ADK: variants seen among roughly 807,000 people sequenced by gnomAD.
ADK encodes the protein N6,N6-dimethyladenosine kinase.
A neutral mutation model predicts 44.7 loss-of-function variants in ADK; 24 were observed. The ratio of observed to expected loss-of-function variants is 0.54; its 90% CI spans 0.39 to 0.76. The LOEUF (loss-of-function observed/expected upper bound fraction) is 0.76. ADK is among the 30% of genes least tolerant of loss of function. ADK has a pLI of 0.00. For synonymous variants in ADK, 128 were observed against 142.6 expected (o/e 0.90, Z 0.73); for missense variants, 321 against 425.1 (o/e 0.76, Z 2.15).
intron 3 of ADK, among the ~76,000 whole-genome samples, chr10:74,230,971 C>T (rs1457522684): frequency 4.6e-5 from 7 of 152,058 alleles, no homozygotes; most frequent in Non-Finnish European, 1.0e-4. Context: ...CGTGAGCCAC[C>T]GCGCCTGGCC....
intron 6 of ADK, among the ~76,000 whole-genome samples, chr10:74,445,043 T>C (rs963602534): frequency 6.6e-6 from 1 of 152,026 alleles, no homozygotes; most frequent in African/African-American, 2.4e-5. Context: ...GAAAAACAAA[T>C]ATAAACAATG....
chr10:74,309,667 G>A (rs1376507348), intron 3 of ADK, among the ~76,000 whole-genome samples: 1 of 152,112 alleles, frequency 6.6e-6, no homozygotes, highest in African/African-American at 2.4e-5. Flanking sequence ...GGAGAGGGGT[G>A]TATGAAGTGT....
At chr10:74,195,296 T>G (rs1175609927) in intron 1 of ADK, among the ~76,000 whole-genome samples, 1 of 152,216 alleles carries the variant, frequency 6.6e-6, no homozygotes, top group African/African-American at 2.4e-5. Context: ...AAGAAGGTCA[T>G]AGTATTTACT....
intron 6 of ADK, among the ~76,000 whole-genome samples, chr10:74,431,994 C>T (rs903781860): frequency 3.3e-5 from 5 of 152,018 alleles, no homozygotes; most frequent in South Asian, 4.2e-4. Context: ...GAATTTAAGA[C>T]GAGCCTGGTC....
At chr10:74,407,500 T>A (rs373059504) in intron 6 of ADK, among the ~76,000 whole-genome samples, 10 of 152,226 alleles carry the variant, frequency 6.6e-5, no homozygotes, top group African/African-American at 1.4e-4. Context: ...CACTTTTTTT[T>A]AATCTGATTA....
intron 7 of ADK, among the ~76,000 whole-genome samples, chr10:74,570,045 G>C (rs1360296739): frequency 2.0e-5 from 3 of 152,004 alleles, no homozygotes; most frequent in Non-Finnish European, 4.4e-5. Flanking sequence ...TTTCCCCATT[G>C]CTTGTTTTTG....
chr10:74,657,672 A>T (rs1158646829), intron 9 of ADK, among the ~76,000 whole-genome samples: 2 of 152,216 alleles, frequency 1.3e-5, no homozygotes, highest in Non-Finnish European at 2.9e-5. Context: ...AGGAATAATC[A>T]CTATATTCAG....
intron 5 of ADK, among the ~76,000 whole-genome samples, chr10:74,395,942 T>C (rs1044946501): frequency 1.3e-5 from 2 of 151,946 alleles, no homozygotes; most frequent in Admixed American, 1.3e-4. Context: ...ACCTAGGAGG[T>C]GGAGGTTGCA....
intron 6 of ADK, among the ~76,000 whole-genome samples, chr10:74,414,648 T>C (rs1391551952): frequency 6.6e-6 from 1 of 152,090 alleles, no homozygotes; most frequent in Non-Finnish European, 1.5e-5. Flanking sequence ...GGCAGGAGAA[T>C]GGCTTGAACC....
intron 10 of ADK, among the ~76,000 whole-genome samples, chr10:74,686,821 G>T (rs1362304500): frequency 6.6e-6 from 1 of 151,956 alleles, no homozygotes; most frequent in Admixed American, 6.6e-5. Flanking sequence ...GCGACTACAG[G>T]TGTGCGCCAC....
intron 10 of ADK, among the ~76,000 whole-genome samples, chr10:74,695,635 T>G (rs915102492): frequency 2.6e-5 from 4 of 151,316 alleles, no homozygotes; most frequent in African/African-American, 4.9e-5. Flanking sequence ...TGTGTGTGTG[T>G]GTGTGTGTGT....
intron 1 of ADK, among the ~76,000 whole-genome samples, chr10:74,188,723 T>C (rs965831602): frequency 6.6e-6 from 1 of 152,170 alleles, no homozygotes; most frequent in Non-Finnish European, 1.5e-5. Flanking sequence ...GTTTAGATTA[T>C]TGTTTTTAAA....
chr10:74,250,382 G>A (rs1322118025), intron 3 of ADK, among the ~76,000 whole-genome samples: 3 of 152,166 alleles, frequency 2.0e-5, no homozygotes, highest in Admixed American at 6.5e-5. Context: ...ACAGAAGTAG[G>A]CAAGGTCTGT....
At chr10:74,400,713 C>T (rs1377595716) in intron 6 of ADK, among the ~76,000 whole-genome samples, 3 of 152,128 alleles carry the variant, frequency 2.0e-5, no homozygotes, top group Admixed American at 6.5e-5. Flanking sequence ...TCTGGGGGCT[C>T]TTTAATTCTA....
chr10:74,546,741 G>A (rs952418740), intron 7 of ADK, among the ~76,000 whole-genome samples: 1 of 151,984 alleles, frequency 6.6e-6, no homozygotes, highest in Non-Finnish European at 1.5e-5. Context: ...GTTGAGAAGA[G>A]TGTTTTATAT....
chr10:74,386,336 G>T (rs1843139459), intron 4 of ADK, among the ~76,000 whole-genome samples: 2 of 152,062 alleles, frequency 1.3e-5, no homozygotes, highest in Non-Finnish European at 2.9e-5. Context: ...ATTCTATTAT[G>T]AATTGAATTA....
chr10:74,331,766 G>A (rs1346000086), intron 4 of ADK, among the ~76,000 whole-genome samples: 3 of 151,668 alleles, frequency 2.0e-5, no homozygotes, highest in Admixed American at 1.3e-4. Context: ...GATTATAGGC[G>A]TGAGCCACTG....
At chr10:74,346,009 C>T (rs930418624) in intron 4 of ADK, among the ~76,000 whole-genome samples, 1 of 152,164 alleles carries the variant, frequency 6.6e-6, no homozygotes, top group Non-Finnish European at 1.5e-5. Flanking sequence ...ATTCTTGTGC[C>T]TCAGCCCCCT....
intron 2 of ADK, among the ~76,000 whole-genome samples, chr10:74,220,481 A>G (rs1350268686): frequency 2.0e-5 from 3 of 152,084 alleles, no homozygotes; most frequent in Admixed American, 6.6e-5. Context: ...AACTATTCCA[A>G]TCAATAGAAA....
Sources: gnomAD v4.1 joint callset for allele counts (sites outside exome capture counted in the v4.1 genomes callset) on GRCh38, gnomAD v4.1.1 for gene constraint, MANE v1.5 for transcripts, NCBI Gene and HGNC (gene_info 2026-07-23, HGNC 2026-07-21) for gene names.